The following GRIP1 variants were observed in gnomAD, a reference collection of about 807,000 sequenced individuals.
The protein encoded by GRIP1 is glutamate receptor-interacting protein 1.
GRIP1 carries 45 observed loss-of-function variants against 129.9 expected under a neutral mutation model. The ratio of observed to expected loss-of-function variants is 0.35; its 90% CI spans 0.27 to 0.44. The LOEUF is 0.44. Ranked by LOEUF, GRIP1 falls within the 20% of genes least tolerant of loss-of-function variation. The pLI is 1.00. For missense variants in GRIP1, 1,196 were observed against 1,396.8 expected, an observed-to-expected ratio of 0.86 and a Z score of 2.29; for synonymous variants, 530 against 520.8, an observed-to-expected ratio of 1.02 and a Z score of -0.24.
intron 1 of GRIP1, 109 bp downstream of exon 1, chr12:66,678,741 C>A (rs2034452740): frequency 1.0e-6 from 1 of 995,742 alleles, no homozygotes; most frequent in East Asian, 2.6e-5. Flanking sequence ...TCTTTGTTGC[C>A]TGACAATAAA....
rs979871732 is a variant in GRIP1, at chr12:67,053,787, G to A, written c.58+15263C>T. On this transcript the variant is annotated intron_variant, in intron 1 of 1. Transcript: ENST00000643019. ...TGGGAAGTGGAGGTTGCAATGAGCCGAGATCGCACCACTGCACTCCAGCCT... is the reference window on the plus strand; with the variant it reads ...TGGGAAGTGGAGGTTGCAATGAGCCAAGATCGCACCACTGCACTCCAGCCT... 4.0e-5 allele frequency among the ~76,000 whole-genome samples: 6 copies of A among 151,124 alleles called. No homozygotes were observed. The South Asian group carries it at 6.3e-4, about 16-fold the overall frequency.
At chr12:66,774,783 G>A (rs1366471325) in intron 1 of GRIP1, among the ~76,000 whole-genome samples, 2 of 152,152 alleles carry the variant, frequency 1.3e-5, no homozygotes, top group African/African-American at 2.4e-5. Context: ...TAGATACACT[G>A]GCAGTCCATG....
At chr12:67,038,686 A>G (rs1391645087) in intron 1 of GRIP1, among the ~76,000 whole-genome samples, 1 of 152,212 alleles carries the variant, frequency 6.6e-6, no homozygotes, top group Admixed American at 6.5e-5. Context: ...GTGAAAGGAA[A>G]GGTTTGAGGA....
intron 1 of GRIP1, among the ~76,000 whole-genome samples, chr12:66,969,561 C>T (rs1212047591): frequency 6.6e-6 from 1 of 152,010 alleles, no homozygotes; most frequent in Non-Finnish European, 1.5e-5. Context: ...GGACCACGGG[C>T]ATATGCCACC....
At chr12:66,949,498 C>T (rs929712948) in intron 1 of GRIP1, among the ~76,000 whole-genome samples, 8 of 152,096 alleles carry the variant, frequency 5.3e-5, no homozygotes, top group African/African-American at 1.9e-4. Flanking sequence ...CTAATGGTCA[C>T]AGGAAATAAA....
chr12:66,550,870 T>C (rs1486731259), intron 2 of GRIP1, among the ~76,000 whole-genome samples: 1 of 152,092 alleles, frequency 6.6e-6, no homozygotes, highest in Non-Finnish European at 1.5e-5. Context: ...TGGTGGACAT[T>C]TAAATGTAAG....
intron 19 of GRIP1, among the ~76,000 whole-genome samples, chr12:66,388,439 G>A (rs1170439869): frequency 6.6e-6 from 1 of 152,164 alleles, no homozygotes; most frequent in Non-Finnish European, 1.5e-5. Flanking sequence ...TTCAGCCCGC[G>A]AGCATGGCAG....
At chr12:66,923,527 C>G (rs968761076) in intron 1 of GRIP1, among the ~76,000 whole-genome samples, 1 of 152,160 alleles carries the variant, frequency 6.6e-6, no homozygotes, top group Non-Finnish European at 1.5e-5. Flanking sequence ...AAACTTTTAA[C>G]CCCTTTATCT....
At chr12:66,424,054 A>G (rs2057899885) in intron 14 of GRIP1, among the ~76,000 whole-genome samples, 1 of 152,138 alleles carries the variant, frequency 6.6e-6, no homozygotes, top group Admixed American at 6.6e-5. Context: ...CGTCACTTGT[A>G]TCTCCAATGC....
At chr12:66,807,372 G>A (rs555167740), upstream of GRIP1, among the ~76,000 whole-genome samples, 12 of 152,128 alleles carry the variant, frequency 7.9e-5, no homozygotes, top group African/African-American at 2.2e-4. Flanking sequence ...GATGTGGCCC[G>A]TTAAAAATGT....
rs1050159817 is a variant in GRIP1 at position 66,962,239 on chromosome 12, A to G, written c.58+106811T>C. Among the ~76,000 whole-genome samples the G allele has an allele frequency of 2.6e-5, 4 of 152,326 alleles. No homozygotes were observed. In the East Asian group the frequency reaches 7.7e-4, roughly 29 times the overall value. On this transcript the variant is annotated intron_variant, in intron 1 of 1. Coordinates refer to the GRIP1 transcript ENST00000643019. Reference sequence around the variant, plus strand: ...TTAATAATAAGAGGAAATCTTCAGGAGACGGAAGTTTTTGAAATGGATGGA... The same window carrying G: ...TTAATAATAAGAGGAAATCTTCAGGGGACGGAAGTTTTTGAAATGGATGGA...
rs534776383 is a variant in GRIP1 at position 66,666,479 on chromosome 12, C to T, written c.55+12371G>A. ...TGACAAAAGAAAAATTATATCTTTA[C>T]TTTATCATTAATTTAATACATTATT... On this transcript the variant is annotated intron_variant, in intron 1 of 24. Transcript: ENST00000359742. 2.6e-3 allele frequency among the ~76,000 whole-genome samples: 398 copies of T among 151,618 alleles called. 1 individual carries two copies. The highest frequency in any genetic ancestry group is 9.2e-3 in the African/African-American group (379 of 40,976).
intron 2 of GRIP1, chr12:66,567,787 C>T (rs568105727): frequency 1.5e-4 from 31 of 210,914 alleles, no homozygotes; most frequent in African/African-American, 7.2e-4. Context: ...TGCTTCCTGT[C>T]CCCAGAGAAA....
At chr12:67,017,219 T>C (rs752258908) in intron 1 of GRIP1, among the ~76,000 whole-genome samples, 1 of 151,570 alleles carries the variant, frequency 6.6e-6, no homozygotes, top group African/African-American at 2.4e-5. Context: ...TGTTCCTGAA[T>C]AGAAGAATCA....
chr12:66,888,701 T>C (rs996649274), intron 1 of GRIP1, among the ~76,000 whole-genome samples: 1 of 152,176 alleles, frequency 6.6e-6, no homozygotes, highest in Non-Finnish European at 1.5e-5. Context: ...GTTACAGGAA[T>C]GTGTAGTCAG....
chr12:66,444,779 A>G lies in GRIP1; in HGVS notation c.1542-50T>C, dbSNP rs774273840. 3 of 1,595,708 alleles carry G rather than the reference A, an allele frequency of 1.9e-6. No homozygotes were observed. The African/African-American group carries it at 4.0e-5, about 21-fold the overall frequency. On this transcript the variant is annotated intron_variant, in intron 12 of 24. Transcript: ENST00000359742. ...GTTGTAGATGGAGTAAATAATTACCAAGCTGAGCTTGCCAAATCTACCTTG... is the reference window on the plus strand; with the variant it reads ...GTTGTAGATGGAGTAAATAATTACCGAGCTGAGCTTGCCAAATCTACCTTG...
chr12:66,760,028 G>T (rs1425187413), intron 1 of GRIP1, among the ~76,000 whole-genome samples: 2 of 151,974 alleles, frequency 1.3e-5, no homozygotes, highest in Non-Finnish European at 2.9e-5. Context: ...CTAAGTTTTT[G>T]TGTTTTTAGT....
chr12:66,692,634 G>C (rs759781214), intron 1 of GRIP1, among the ~76,000 whole-genome samples: 1 of 152,198 alleles, frequency 6.6e-6, no homozygotes, highest in Non-Finnish European at 1.5e-5. Context: ...GGGGCTGACT[G>C]CATTTGGTCA....
chr12:66,964,894 T>G (rs2041973462), intron 1 of GRIP1, among the ~76,000 whole-genome samples: 1 of 152,166 alleles, frequency 6.6e-6, no homozygotes, highest in Admixed American at 6.6e-5. Context: ...CAATATGTCC[T>G]CATATGGTCT....
Sources: gnomAD v4.1 joint callset for allele counts (sites outside exome capture counted in the v4.1 genomes callset) on GRCh38, gnomAD v4.1.1 for gene constraint, MANE v1.5 for transcripts, NCBI Gene and HGNC (gene_info 2026-07-23, HGNC 2026-07-21) for gene names.